KSR2: variants seen among roughly 807,000 people sequenced by gnomAD.
KSR2 encodes kinase suppressor of ras 2.
Under a neutral mutation model 107.8 loss-of-function variants are expected in KSR2, and 25 were observed. The observed-to-expected ratio is 0.23, with a 90% confidence interval of 0.17 to 0.32. The LOEUF (loss-of-function observed/expected upper bound fraction) is 0.32. Ranked by LOEUF, KSR2 falls within the 10% of genes least tolerant of loss-of-function variation. KSR2 has a pLI of 1.00. For missense variants in KSR2, 887 were observed against 1,268.9 expected, an observed-to-expected ratio of 0.70 and a Z score of 4.57; for synonymous variants, 480 against 507.0, an observed-to-expected ratio of 0.95 and a Z score of 0.71.
intron 18 of KSR2, among the ~76,000 whole-genome samples, chr12:117,470,728 G>A (rs900379549): frequency 6.6e-6 from 1 of 152,102 alleles, no homozygotes. Flanking sequence ...TCAAAAGAGA[G>A]GATTCTTCCT....
At chr12:117,573,481 T>C (rs992230750) in intron 7 of KSR2, among the ~76,000 whole-genome samples, 36 of 151,048 alleles carry the variant, frequency 2.4e-4, no homozygotes, top group Admixed American at 6.6e-5. Flanking sequence ...GGTTCAAATA[T>C]AGGCGTGTCT....
At chr12:117,590,704 A>C (rs1238789135) in intron 5 of KSR2, among the ~76,000 whole-genome samples, 1 of 152,152 alleles carries the variant, frequency 6.6e-6, no homozygotes, top group Non-Finnish European at 1.5e-5. Context: ...TAATTTTATA[A>C]AGTTTAATTG....
intron 3 of KSR2, among the ~76,000 whole-genome samples, chr12:117,846,674 A>G (rs1182686971): frequency 6.6e-6 from 1 of 152,234 alleles, no homozygotes; most frequent in African/African-American, 2.4e-5. Context: ...ATATTCTGTG[A>G]TGATGGGGAT....
chr12:117,848,697 A>G (rs150967898), intron 3 of KSR2, among the ~76,000 whole-genome samples: 1 of 145,936 alleles, frequency 6.9e-6, no homozygotes, highest in Non-Finnish European at 1.6e-5. Flanking sequence ...GAGGATGAGG[A>G]GAAGTGGAGA....
intron 4 of KSR2, among the ~76,000 whole-genome samples, chr12:117,698,833 T>C (rs78962899): frequency 0.014 from 2,130 of 152,308 alleles, 47 homozygotes; most frequent in African/African-American, 0.047. Flanking sequence ...TGTTTATTCA[T>C]CTTCTGATTG....
rs959045794 is a variant in KSR2, at chr12:117,897,810, T to G, written c.181-37379A>C. 5.3e-5 allele frequency among the ~76,000 whole-genome samples: 8 copies of G among 152,112 alleles called. No homozygotes were observed. The highest frequency in any genetic ancestry group is 1.2e-4 in the Non-Finnish European group (8 of 68,010). Reference sequence around the variant, plus strand: ...ATATAATGGGCTTAATTCCCCAAATTGTTGGGAATATTGTTTTATTTTCCT... The same window carrying G: ...ATATAATGGGCTTAATTCCCCAAATGGTTGGGAATATTGTTTTATTTTCCT... On this transcript the variant is annotated intron_variant, in intron 1 of 19. Transcript: ENST00000339824. The surrounding 1 kb of genome is among the most constrained non-coding windows in gnomAD (Gnocchi z 4.5).
chr12:117,669,450 T>G (rs1884810143), intron 4 of KSR2, among the ~76,000 whole-genome samples: 1 of 152,108 alleles, frequency 6.6e-6, no homozygotes, highest in Non-Finnish European at 1.5e-5. Flanking sequence ...ACATGAGCAC[T>G]TGAATTGTGG....
Position 117,476,521 on chromosome 12 carries a change from G to C in KSR2, c.2525C>G (p.Pro842Arg), listed in dbSNP as rs1434049034. ...GGGGAGCTTATCCTCCTCTGTGTCGGGGGACAGCTGGCGGATGATCTCTGG... is the reference window on the plus strand; with the variant it reads ...GGGGAGCTTATCCTCCTCTGTGTCGCGGGACAGCTGGCGGATGATCTCTGG... ...LAPEIIRQLS[P>R]DTEEDKLPFS... Residue 842 changes from proline (P) to arginine (R), a missense_variant, in exon 17 of 20, where the codon CCC becomes CGC. By Grantham distance (103) the Pro-to-Arg change is moderately radical. This residue lies in a region of KSR2 where 308 missense variants were observed against 506.2 expected (regional missense o/e 0.61). Transcript: ENST00000339824. 5.0e-6 allele frequency: 8 copies of C among 1,609,234 alleles called. No homozygotes were observed. Among genetic ancestry groups the C allele is most frequent in the Non-Finnish European group, 6.8e-6 (8 of 1,178,046 alleles).
intron 5 of KSR2, among the ~76,000 whole-genome samples, chr12:117,644,651 G>A (rs1281041769): frequency 2.6e-5 from 4 of 152,186 alleles, no homozygotes; most frequent in Non-Finnish European, 5.9e-5. Context: ...TTGTTTCATG[G>A]TCAGCAGAAA....
intron 1 of KSR2, among the ~76,000 whole-genome samples, chr12:117,895,087 C>G (rs1894470664): frequency 6.6e-6 from 1 of 151,612 alleles, no homozygotes; most frequent in Admixed American, 6.6e-5. Context: ...AAAAATTAGC[C>G]AGGTGTGGTG....
At chr12:117,625,556 C>G (rs980087660) in intron 5 of KSR2, among the ~76,000 whole-genome samples, 5 of 152,186 alleles carry the variant, frequency 3.3e-5, no homozygotes, top group Admixed American at 6.5e-5. Context: ...ATGAAGCCGA[C>G]TTAATCGTGG....
At chr12:117,856,487 GTTTGT>G (rs1355455101) in intron 2 of KSR2, among the ~76,000 whole-genome samples, 1 of 151,900 alleles carries the variant, frequency 6.6e-6, no homozygotes, top group Non-Finnish European at 1.5e-5. Flanking sequence ...TTATTTGTTT[GTTTGT>G]TTTGAGACAG....
At chr12:117,872,418 G>T (rs941909704) in intron 1 of KSR2, among the ~76,000 whole-genome samples, 9 of 152,100 alleles carry the variant, frequency 5.9e-5, no homozygotes, top group Non-Finnish European at 1.3e-4. Flanking sequence ...TTAAAAATTA[G>T]TAAGGCATGG....
chr12:117,630,377 A>G (rs1159076838), intron 5 of KSR2, among the ~76,000 whole-genome samples: 4 of 149,996 alleles, frequency 2.7e-5, no homozygotes, highest in Admixed American at 1.3e-4. Flanking sequence ...GTGTGTGTGC[A>G]TGTGTATGTG....
At chr12:117,521,654 T>G (rs999799675) in intron 14 of KSR2, among the ~76,000 whole-genome samples, 1 of 152,234 alleles carries the variant, frequency 6.6e-6, no homozygotes, top group South Asian at 2.1e-4. Flanking sequence ...TTAACTTCGA[T>G]GATAATTACT....
chr12:117,875,879 C>G (rs1893832293), intron 1 of KSR2, among the ~76,000 whole-genome samples: 1 of 152,154 alleles, frequency 6.6e-6, no homozygotes, highest in Admixed American at 6.6e-5. Context: ...CACCACACAC[C>G]CATCATGTCA....
At chr12:117,667,799 T>A in intron 4 of KSR2, 141 bp from the exon 5 acceptor site, 1 of 688,836 alleles carries the variant, frequency 1.5e-6, no homozygotes, top group Non-Finnish European at 2.3e-6. Context: ...GGCTTTTAGG[T>A]AGAGACACAA....
intron 3 of KSR2, among the ~76,000 whole-genome samples, chr12:117,773,039 T>C (rs1472199893): frequency 1.3e-5 from 2 of 152,228 alleles, no homozygotes; most frequent in African/African-American, 2.4e-5. Flanking sequence ...GCTTCTAAAT[T>C]GACAGGGATT....
At chr12:117,786,249 C>CT (rs1890070648) in intron 3 of KSR2, among the ~76,000 whole-genome samples, 1 of 152,092 alleles carries the variant, frequency 6.6e-6, no homozygotes. Flanking sequence ...GTATTTTCCA[C>CT]TTTTTACTAA....
Sources: gnomAD v4.1 joint callset for allele counts (sites outside exome capture counted in the v4.1 genomes callset) on GRCh38, gnomAD v4.1.1 for gene constraint, gnomAD v4.1.1 regional missense constraint, Gnocchi (gnomAD v3.1) non-coding constraint, MANE v1.5 for transcripts, NCBI Gene and HGNC (gene_info 2026-07-23, HGNC 2026-07-21) for gene names.